The following UGT1A3 variants were observed in gnomAD, a reference collection of about 807,000 sequenced individuals.
The protein encoded by UGT1A3 is UDP glucuronosyltransferase family 1 member A3.
A neutral mutation model predicts 41.0 loss-of-function variants in UGT1A3; 31 were observed. The observed-to-expected ratio is 0.76, with a 90% confidence interval of 0.57 to 1.02. The LOEUF (loss-of-function observed/expected upper bound fraction) is 1.02, where lower values mean the gene tolerates loss of function less well. UGT1A3 is among the 50% of genes least tolerant of loss of function. UGT1A3 has a pLI of 0.00. For synonymous variants in UGT1A3, 262 were observed against 257.6 expected (o/e 1.02, Z -0.17); for missense variants, 737 against 671.0 (o/e 1.10, Z -1.09).
At position 233,729,088 on chromosome 2, in the gene UGT1A3, C is replaced by CG. The variant is rs1559373560; in HGVS notation, c.-38dup. 6.2e-7 allele frequency: 1 copy of CG among 1,612,432 alleles called. No homozygotes were observed. The highest frequency in any genetic ancestry group is 1.7e-5 in the Admixed American group (1 of 60,018). On this transcript the variant is annotated 5_prime_UTR_variant, in exon 1 of 5. It removes the in-frame stop codon of an upstream open reading frame in the 5' UTR. Coordinates refer to ENST00000482026, the MANE Select transcript of UGT1A3 (RefSeq NM_019093.4). ...AAGAAAGCAAATGTAGCAGGCACAG[C>CG]GTGGGGTGGACAGTCAGCTGTCCGT... is the stretch of plus-strand genomic sequence containing the variant.
chr2:233,765,261 T>C (rs1002454529), intron 1 of UGT1A3, among the ~76,000 whole-genome samples: 2 of 152,188 alleles, frequency 1.3e-5, no homozygotes, highest in Admixed American at 1.3e-4. Flanking sequence ...ACTGGGTATA[T>C]ACCCAAAGAA....
chr2:233,762,689 A>G (rs1362623162), intron 1 of UGT1A3, among the ~76,000 whole-genome samples: 1 of 148,448 alleles, frequency 6.7e-6, no homozygotes, highest in Non-Finnish European at 1.5e-5. Context: ...TTTCTTTCTC[A>G]TTCATCTTTT....
chr2:233,759,778 A>G (rs2125976593), intron 1 of UGT1A3, among the ~76,000 whole-genome samples: 1 of 152,308 alleles, frequency 6.6e-6, no homozygotes, highest in South Asian at 2.1e-4. Flanking sequence ...TGTTGGACGA[A>G]GGAATGAAAC....
chr2:233,742,567 C>T (rs1045281711), intron 1 of UGT1A3, among the ~76,000 whole-genome samples: 3 of 151,796 alleles, frequency 2.0e-5, no homozygotes, highest in East Asian at 1.9e-4. Flanking sequence ...AGCTTCTGGC[C>T]GGAATTGGGG....
rs35129844 is a variant in UGT1A3 at position 233,767,814 on chromosome 2, C to A, written c.1000-35C>A. Reference sequence around the variant, plus strand: ...ATTTGTTTTCTAATCATATTATGTTCTTTCTTTACGTTCTGCTCTTTTTGC... The same window carrying A: ...ATTTGTTTTCTAATCATATTATGTTATTTCTTTACGTTCTGCTCTTTTTGC... On this transcript the variant is annotated intron_variant, in intron 2 of 4. Coordinates refer to ENST00000482026, the MANE Select transcript of UGT1A3 (RefSeq NM_019093.4). The A allele has an allele frequency of 5.0e-6, 8 of 1,613,992 alleles. No homozygotes were observed. In the African/African-American group the frequency reaches 6.7e-5, roughly 13 times the overall value.
At chr2:233,748,132 A>G (rs1234093790) in intron 1 of UGT1A3, 8 of 1,610,034 alleles carry the variant, frequency 5.0e-6, no homozygotes, top group Non-Finnish European at 6.8e-6. Context: ...CAGTTTTTAA[A>G]AATTGTATTT....
At chr2:233,755,197 T>C in intron 1 of UGT1A3, 1 of 1,117,644 alleles carries the variant, frequency 8.9e-7, no homozygotes, top group Non-Finnish European at 1.3e-6. Context: ...AGCGCCAGCT[T>C]GCGGTACGCC....
chr2:233,758,001 G>A (rs1372978564), intron 1 of UGT1A3, among the ~76,000 whole-genome samples: 1 of 152,062 alleles, frequency 6.6e-6, no homozygotes, highest in Non-Finnish European at 1.5e-5. Context: ...TAATTGCCTG[G>A]TCATGAGTTT....
At chr2:233,765,695 ATAATAATAATAATAAT>A (rs1033390367) in intron 1 of UGT1A3, among the ~76,000 whole-genome samples, 7 of 145,802 alleles carry the variant, frequency 4.8e-5, no homozygotes, top group Admixed American at 1.4e-4. Flanking sequence ...CTTCAAGTAA[ATAATAATAATAATAAT>A]TAATAATAAT....
intron 1 of UGT1A3, among the ~76,000 whole-genome samples, chr2:233,744,802 A>T (rs1263878691): frequency 6.6e-6 from 1 of 151,904 alleles, no homozygotes; most frequent in Non-Finnish European, 1.5e-5. Context: ...GGGGATCCCT[A>T]GGATTTCCTG....
At chr2:233,731,419 A>G (rs768089383) in intron 1 of UGT1A3, among the ~76,000 whole-genome samples, 3 of 151,914 alleles carry the variant, frequency 2.0e-5, no homozygotes, top group Non-Finnish European at 4.4e-5. Flanking sequence ...ATTTTTCCTA[A>G]TGCCATCCCT....
chr2:233,734,873 G>A (rs1334248859), intron 1 of UGT1A3, among the ~76,000 whole-genome samples: 3 of 152,244 alleles, frequency 2.0e-5, no homozygotes, highest in Non-Finnish European at 2.9e-5. Flanking sequence ...ACTATGGTCT[G>A]AGAGACAGTT....
At chr2:233,748,098 A>G (rs1489577021) in intron 1 of UGT1A3, 1 of 1,612,584 alleles carries the variant, frequency 6.2e-7, no homozygotes, top group African/African-American at 1.3e-5. Flanking sequence ...TCGTGCCTTC[A>G]TCCAATCAAT....
rs773318792 is a variant in UGT1A3 at position 233,769,599 on chromosome 2, C to T, written c.1307+1160C>T. 17 of 1,612,664 alleles carry T rather than the reference C, an allele frequency of 1.1e-5. No individual in the cohort carries two copies. Among genetic ancestry groups the T allele is most frequent in the South Asian group, 2.2e-5 (2 of 91,048 alleles). ...TGTTCAGATGAGAGGAGACGGAACACGGGGACACACCAGCTTGAGCAAGGG... is the reference window on the plus strand; with the variant it reads ...TGTTCAGATGAGAGGAGACGGAACATGGGGACACACCAGCTTGAGCAAGGG... On this transcript the variant is annotated intron_variant, in intron 4 of 4. Coordinates refer to ENST00000482026, the MANE Select transcript of UGT1A3 (RefSeq NM_019093.4). The surrounding 1 kb of genome is among the most constrained non-coding windows in gnomAD (Gnocchi z 4.4).
intron 1 of UGT1A3, chr2:233,755,267 T>C (rs1315366268): frequency 1.1e-5 from 8 of 759,504 alleles, no homozygotes; most frequent in East Asian, 5.3e-5. Flanking sequence ...AGTAGTCCAC[T>C]ATGCTGGACT....
At chr2:233,730,105 C>T (rs1305477066) in intron 1 of UGT1A3, 112 bp downstream of exon 1, 1 of 1,574,650 alleles carries the variant, frequency 6.4e-7, no homozygotes, top group Non-Finnish European at 8.6e-7. Context: ...TATTTCATTT[C>T]TGCTTCTCCT....
At chr2:233,735,857 T>C (rs1229821549) in intron 1 of UGT1A3, among the ~76,000 whole-genome samples, 2 of 151,884 alleles carry the variant, frequency 1.3e-5, no homozygotes, top group African/African-American at 4.8e-5. Flanking sequence ...TTCTGTCTTG[T>C]AGGGTTTCTG....
chr2:233,755,826 A>T (rs1696033574), intron 1 of UGT1A3: 1 of 152,260 alleles, frequency 6.6e-6, no homozygotes, highest in Admixed American at 6.5e-5. Context: ...AAAAAGACAT[A>T]TTCATTGGGC....
intron 1 of UGT1A3, chr2:233,747,691 T>G (rs1693753923): frequency 1.2e-6 from 2 of 1,611,090 alleles, no homozygotes; most frequent in Non-Finnish European, 1.7e-6. Context: ...TGTGGGGCAG[T>G]GCTGGCTAAG....
Sources: allele counts gnomAD v4.1 joint callset (sites outside exome capture counted in the v4.1 genomes callset), GRCh38; gene constraint gnomAD v4.1.1; non-coding constraint Gnocchi (gnomAD v3.1); transcripts MANE v1.5; gene names NCBI Gene and HGNC (gene_info 2026-07-23, HGNC 2026-07-21).